Variants in SYT2 observed in about 807,000 individuals in gnomAD.
SYT2 encodes synaptotagmin 2.
A neutral mutation model predicts 39.9 loss-of-function variants in SYT2; 15 were observed. The ratio of observed to expected loss-of-function variants is 0.38; its 90% CI spans 0.25 to 0.58. SYT2 has a LOEUF of 0.58. SYT2 is among the 20% of genes least tolerant of loss of function. The pLI, the probability that SYT2 is intolerant of heterozygous loss-of-function variation, is 0.70. For missense variants in SYT2, 389 were observed against 530.3 expected (o/e 0.73, Z 2.62); for synonymous variants, 181 against 204.5 (o/e 0.89, Z 0.98).
At chr1:202,646,542 C>T (rs556846772) in intron 1 of SYT2, among the ~76,000 whole-genome samples, 60 of 152,246 alleles carry the variant, frequency 3.9e-4, no homozygotes, top group Non-Finnish European at 8.2e-4. Context: ...ACCTCAAATC[C>T]TGCATCCTCA....
Position 202,601,840 on chromosome 1 carries a change from C to T in SYT2, c.801+50G>A. ...TCCATCATGCCAAGAGGTGGAAGCC[C>T]ACCTGTACATTCGTCTTTCTGCCCA... is the stretch of plus-strand genomic sequence containing the variant. On this transcript the variant is annotated intron_variant, in intron 6 of 8. Transcript: ENST00000367268. This position sits in a 1 kb window ranked among gnomAD's most constrained non-coding sequence, Gnocchi z 4.0. 1 of 1,584,762 alleles carries T rather than the reference C, an allele frequency of 6.3e-7. No individual in the cohort carries two copies. Among genetic ancestry groups the T allele is most frequent in the Non-Finnish European group, 8.6e-7 (1 of 1,162,624 alleles).
intron 1 of SYT2, among the ~76,000 whole-genome samples, chr1:202,646,407 C>T (rs1307061773): frequency 6.6e-6 from 1 of 152,212 alleles, no homozygotes; most frequent in Non-Finnish European, 1.5e-5. Context: ...TGCTTCTCCT[C>T]TGCAGCCCTC....
intron 1 of SYT2, among the ~76,000 whole-genome samples, chr1:202,629,919 G>A (rs1237901143): frequency 9.4e-6 from 1 of 106,696 alleles, no homozygotes; most frequent in African/African-American, 2.8e-5. Flanking sequence ...GACTCTGGAA[G>A]TCACTAGCAC....
At chr1:202,602,302 A>G in intron 5 of SYT2, 76 bp downstream of exon 5, 1 of 1,486,070 alleles carries the variant, frequency 6.7e-7, no homozygotes, top group Non-Finnish European at 9.2e-7. Context: ...GCTAAGGACC[A>G]AGGAAAGGTC....
chr1:202,687,325 C>A (rs1052084696), intron 1 of SYT2, among the ~76,000 whole-genome samples: 2 of 152,188 alleles, frequency 1.3e-5, no homozygotes, highest in East Asian at 1.9e-4. Context: ...GCCCTAAGTG[C>A]TCCATCCCTG....
intron 1 of SYT2, among the ~76,000 whole-genome samples, chr1:202,686,308 T>C (rs1249829791): frequency 6.6e-6 from 1 of 152,196 alleles, no homozygotes; most frequent in Non-Finnish European, 1.5e-5. Context: ...GATATTTCCT[T>C]ATAACAACAT....
At chr1:202,705,223 G>GAAC (rs1396038074) in intron 1 of SYT2, among the ~76,000 whole-genome samples, 1 of 152,292 alleles carries the variant, frequency 6.6e-6, no homozygotes, top group South Asian at 2.1e-4. Flanking sequence ...TGGGGATTTT[G>GAAC]AACCACACAA....
At chr1:202,605,374 C>T (rs1241697342) in intron 2 of SYT2, 1 of 408,552 alleles carries the variant, frequency 2.4e-6, no homozygotes, top group Non-Finnish European at 4.4e-6. Flanking sequence ...AACTTTTCTT[C>T]CCCTGAGAAG....
chr1:202,639,911 CTG>C, intron 1 of SYT2: 1 of 878,296 alleles, frequency 1.1e-6, no homozygotes, highest in African/African-American at 1.8e-5. Flanking sequence ...TGAGCCCTCT[CTG>C]TGATAACATA....
rs190016616 is a variant in SYT2, at chr1:202,641,128, G to C, written c.-17-35339C>G. Among the ~76,000 whole-genome samples the C allele has an allele frequency of 2.5e-3, 384 of 152,296 alleles. 1 individual carries two copies. Among genetic ancestry groups the C allele is most frequent in the Middle Eastern group, 0.014 (4 of 294 alleles). The stretch of plus-strand genomic sequence containing the variant: ...AGTAACTGAAGCTCTAAGATATAAA[G>C]TAATTTGCTCAAGGTCACACAGCTA... On this transcript the variant is annotated intron_variant, in intron 1 of 8. Transcript: ENST00000367268.
chr1:202,604,668 A>G (rs1392056186), intron 2 of SYT2, 47 bp from the exon 3 acceptor site: 2 of 1,586,072 alleles, frequency 1.3e-6, no homozygotes, highest in Non-Finnish European at 1.7e-6. Flanking sequence ...CATGCCTTGC[A>G]GCCCCTGACC....
intron 1 of SYT2, among the ~76,000 whole-genome samples, chr1:202,618,400 A>AGTGT (rs57621822): frequency 0.012 from 1,838 of 148,846 alleles, 37 homozygotes; most frequent in African/African-American, 0.032. Flanking sequence ...GTCTGGTGTG[A>AGTGT]GTGTGTGTGT....
intron 1 of SYT2, among the ~76,000 whole-genome samples, chr1:202,610,192 G>C (rs1490087731): frequency 8.3e-3 from 1,029 of 123,458 alleles, no homozygotes; most frequent in African/African-American, 0.012. Context: ...AGATCAGATG[G>C]TTGTAGATAT....
intron 1 of SYT2, among the ~76,000 whole-genome samples, chr1:202,691,572 C>T (rs1653816723): frequency 1.3e-5 from 2 of 151,544 alleles, no homozygotes; most frequent in Middle Eastern, 3.4e-3. Context: ...ATCACTTGAG[C>T]CCAGGAGGTC....
In SYT2 at chr1:202,641,247, G is replaced by A. The variant is rs562514402; in HGVS notation, c.-17-35458C>T. Among the ~76,000 whole-genome samples the A allele has an allele frequency of 2.0e-5, 3 of 152,200 alleles. No homozygotes were observed. The South Asian group carries it at 6.2e-4, about 32-fold the overall frequency. On this transcript the variant is annotated intron_variant, in intron 1 of 8. Coordinates refer to ENST00000367268, the MANE Select transcript of SYT2 (RefSeq NM_177402.5). The stretch of plus-strand genomic sequence containing the variant: ...TACAGTATTTGTCTCAATTTGTCTC[G>A]ACTCTGGTGACAGAAGTGGGAGGGC...
chr1:202,596,477 C>A lies in SYT2; in HGVS notation c.*280G>T. 3.1e-6 allele frequency: 1 copy of A among 322,772 alleles called. No homozygotes were observed. The highest frequency in any genetic ancestry group is 5.7e-6 in the Non-Finnish European group (1 of 175,850). 20.0% of individuals were successfully genotyped at this position (322,772 alleles called of 1,614,324 possible). On this transcript the variant is annotated 3_prime_UTR_variant, in exon 9 of 9. Coordinates refer to ENST00000367268, the MANE Select transcript of SYT2 (RefSeq NM_177402.5). ...CGCTTGGGGTGAGGCAGATGTGAAG[C>A]TTTGAAAGAGTCGAGGGAACTGTGA...
rs376335907 is a variant in SYT2, at chr1:202,619,082, T to C, written c.-17-13293A>G. On this transcript the variant is annotated intron_variant, in intron 1 of 8. Transcript: ENST00000367268. Reference sequence around the variant, plus strand: ...CAGCCTCCTCCGCCTCCAGGACTATTTCCCCCACTCTAGGAGGCAGGGCTC... The same window carrying C: ...CAGCCTCCTCCGCCTCCAGGACTATCTCCCCCACTCTAGGAGGCAGGGCTC... 1.2e-4 allele frequency among the ~76,000 whole-genome samples: 18 copies of C among 152,248 alleles called. No individual in the cohort carries two copies. The East Asian group carries it at 2.3e-3, about 20-fold the overall frequency.
rs68013997 is a variant in SYT2, at chr1:202,650,435, C to CTTT, written c.-17-44649_-17-44647dup. Among the ~76,000 whole-genome samples, 22 of 143,254 alleles carry CTTT rather than the reference C, an allele frequency of 1.5e-4. 2 individuals are homozygous for CTTT. The highest frequency in any genetic ancestry group is 2.2e-4 in the South Asian group (1 of 4,570). 94.0% of individuals were successfully genotyped at this position (143,254 alleles called of 152,430 possible). ...GTCTGCCAAACATTTGTTTCATATG[C>CTTT]TTTTGTTTTTTTTTTTTTGAGACAT... On this transcript the variant is annotated intron_variant, in intron 1 of 8. Coordinates refer to ENST00000367268, the MANE Select transcript of SYT2 (RefSeq NM_177402.5).
rs1434003433 is a variant in SYT2 at position 202,640,738 on chromosome 1, G to T, written c.-17-34949C>A. Among the ~76,000 whole-genome samples, 8 of 7,460 alleles carry T rather than the reference G, an allele frequency of 1.1e-3. No homozygotes were observed. The Admixed American group carries it at 0.012, about 11-fold the overall frequency. The allele number at this position is 7,460 out of a possible 152,430, so 4.9% of individuals were successfully genotyped here. ...CTGCAGAATGGTCCTAATGGTCAGA[G>T]AGAGAGAGAGAGAGAGAGAGAGAGA... On this transcript the variant is annotated intron_variant, in intron 1 of 8. Coordinates refer to ENST00000367268, the MANE Select transcript of SYT2 (RefSeq NM_177402.5).
Sources: allele counts gnomAD v4.1 joint callset (sites outside exome capture counted in the v4.1 genomes callset), GRCh38; gene constraint gnomAD v4.1.1; non-coding constraint Gnocchi (gnomAD v3.1); transcripts MANE v1.5; gene names NCBI Gene and HGNC (gene_info 2026-07-23, HGNC 2026-07-21).